Variants in FOXJ3 observed in about 807,000 individuals in gnomAD.
FOXJ3 encodes forkhead box protein J3.
Under a neutral mutation model 76.1 loss-of-function variants are expected in FOXJ3, and 22 were observed. The ratio of observed to expected loss-of-function variants is 0.29; its 90% CI spans 0.21 to 0.41. The LOEUF (loss-of-function observed/expected upper bound fraction) is 0.41, where lower values mean the gene tolerates loss of function less well. Ranked by LOEUF, FOXJ3 falls within the 10% of genes least tolerant of loss-of-function variation. The pLI, the probability that FOXJ3 is intolerant of heterozygous loss-of-function variation, is 1.00. For missense variants in FOXJ3, 613 were observed against 762.1 expected, an observed-to-expected ratio of 0.80 and a Z score of 2.30; for synonymous variants, 269 against 261.2, an observed-to-expected ratio of 1.03 and a Z score of -0.29.
rs115669452 is a variant in FOXJ3, at chr1:42,267,689, T to C, written c.370-2500A>G. Among the ~76,000 whole-genome samples, 631 of 152,114 alleles carry C rather than the reference T, an allele frequency of 4.1e-3. 3 individuals carry two copies. Among genetic ancestry groups the C allele is most frequent in the African/African-American group, 0.014 (588 of 41,512 alleles). ...AAAAAAAAATTAAAATAACCATGCT[T>C]AATATGTTAAAGGGTCTAGCAGAAA... On this transcript the variant is annotated intron_variant, in intron 3 of 12. Transcript: ENST00000361346.
chr1:42,240,265 A>G (rs778250908), intron 4 of FOXJ3, among the ~76,000 whole-genome samples: 4 of 152,222 alleles, frequency 2.6e-5, no homozygotes, highest in Non-Finnish European at 4.4e-5. Context: ...TGGAAGATTT[A>G]ATGTTAAGAT....
chr1:42,319,239 G>GTT (rs2124772656), intron 1 of FOXJ3, among the ~76,000 whole-genome samples: 1 of 152,032 alleles, frequency 6.6e-6, no homozygotes, highest in African/African-American at 2.4e-5. Flanking sequence ...GTTTTGTTTT[G>GTT]TTTTGTTTAA....
At chr1:42,263,870 T>TGCA (rs1651251797) in intron 4 of FOXJ3, among the ~76,000 whole-genome samples, 2 of 150,982 alleles carry the variant, frequency 1.3e-5, no homozygotes, top group African/African-American at 4.9e-5. Context: ...AATTTAGATT[T>TGCA]TAAGGGCAGT....
chr1:42,246,443 T>C (rs189378099), intron 4 of FOXJ3, among the ~76,000 whole-genome samples: 1 of 152,138 alleles, frequency 6.6e-6, no homozygotes, highest in East Asian at 1.9e-4. Flanking sequence ...TCAACATCAA[T>C]AATCATTAAG....
At chr1:42,277,135 T>G (rs1247888989) in intron 3 of FOXJ3, among the ~76,000 whole-genome samples, 1 of 119,102 alleles carries the variant, frequency 8.4e-6, no homozygotes, top group African/African-American at 3.2e-5. Flanking sequence ...TAAAATTCTT[T>G]CAAGATAAAT....
At chr1:42,296,835 G>A (rs1653820323) in intron 2 of FOXJ3, among the ~76,000 whole-genome samples, 3 of 152,136 alleles carry the variant, frequency 2.0e-5, no homozygotes, top group Admixed American at 6.6e-5. Flanking sequence ...CTAATTCTGT[G>A]AAAACTGATG....
chr1:42,202,280 T>C (rs551981207), intron 6 of FOXJ3, among the ~76,000 whole-genome samples: 1 of 152,336 alleles, frequency 6.6e-6, no homozygotes, highest in South Asian at 2.1e-4. Context: ...ACACAGATTG[T>C]TTAATGTGTC....
At chr1:42,331,897 T>A (rs1367780579) in intron 1 of FOXJ3, among the ~76,000 whole-genome samples, 1 of 151,920 alleles carries the variant, frequency 6.6e-6, no homozygotes, top group Non-Finnish European at 1.5e-5. Flanking sequence ...CTTTGGAACA[T>A]AAGTTTGTTT....
chr1:42,183,452 G>A (rs1181253406), intron 11 of FOXJ3, among the ~76,000 whole-genome samples: 1 of 150,862 alleles, frequency 6.6e-6, no homozygotes. Context: ...ATTAACAGGA[G>A]ACATCAAGTG....
chr1:42,259,363 A>C (rs1650857125), intron 4 of FOXJ3, among the ~76,000 whole-genome samples: 1 of 152,222 alleles, frequency 6.6e-6, no homozygotes, highest in African/African-American at 2.4e-5. Flanking sequence ...AGTAAATTTC[A>C]CCATATATAA....
At chr1:42,220,789 T>C (rs1165616672) in intron 5 of FOXJ3, among the ~76,000 whole-genome samples, 6 of 152,162 alleles carry the variant, frequency 3.9e-5, no homozygotes, top group African/African-American at 1.4e-4. Flanking sequence ...TCCTATCTCC[T>C]TGCCCTACTT....
chr1:42,190,240 ACT>A (rs368522373), intron 9 of FOXJ3, among the ~76,000 whole-genome samples: 44 of 152,298 alleles, frequency 2.9e-4, no homozygotes, highest in African/African-American at 1.1e-3. Context: ...CTGTCAAGCC[ACT>A]GTTTCTAGGA....
chr1:42,291,354 C>G (rs1191248247), intron 2 of FOXJ3, among the ~76,000 whole-genome samples: 1 of 152,000 alleles, frequency 6.6e-6, no homozygotes, highest in Non-Finnish European at 1.5e-5. Context: ...GATATGACAC[C>G]AAAAGCAATC....
chr1:42,243,166 CAAAG>C (rs909497933), intron 4 of FOXJ3, among the ~76,000 whole-genome samples: 1 of 152,100 alleles, frequency 6.6e-6, no homozygotes, highest in Non-Finnish European at 1.5e-5. Context: ...ACAAACCCTA[CAAAG>C]AAAGGGCTTA....
intron 9 of FOXJ3, among the ~76,000 whole-genome samples, chr1:42,190,368 G>C (rs1646517443): frequency 1.3e-5 from 2 of 152,184 alleles, no homozygotes; most frequent in South Asian, 4.1e-4. Context: ...ACAAAATTCT[G>C]CCAATAATGG....
At chr1:42,192,763 G>GAA (rs11331928) in intron 8 of FOXJ3, among the ~76,000 whole-genome samples, 2 of 138,056 alleles carry the variant, frequency 1.4e-5, no homozygotes, top group South Asian at 2.3e-4. Context: ...TTTATTGAAT[G>GAA]AAAAAAAAAA....
intron 3 of FOXJ3, among the ~76,000 whole-genome samples, chr1:42,268,963 T>C (rs748651994): frequency 2.2e-4 from 33 of 152,284 alleles, no homozygotes; most frequent in Non-Finnish European, 3.8e-4. Flanking sequence ...GGATCATCTA[T>C]GAGCCAGGAA....
chr1:42,188,711 A>T, intron 11 of FOXJ3, 26 bp downstream of exon 11: 1 of 1,420,546 alleles, frequency 7.0e-7, no homozygotes, highest in Non-Finnish European at 9.4e-7. Flanking sequence ...AAATGAGAAA[A>T]ATCAAGAAGA....
At chr1:42,179,934 A>T (rs1170258384) in intron 12 of FOXJ3, 109 bp from the exon 13 acceptor site, 2 of 699,634 alleles carry the variant, frequency 2.9e-6, no homozygotes, top group African/African-American at 3.5e-5. Flanking sequence ...TTATCTCACT[A>T]ATTCAACCAT....
Sources: gnomAD v4.1 joint callset for allele counts (sites outside exome capture counted in the v4.1 genomes callset) on GRCh38, gnomAD v4.1.1 for gene constraint, MANE v1.5 for transcripts, NCBI Gene and HGNC (gene_info 2026-07-23, HGNC 2026-07-21) for gene names.